APBA2: variants seen among roughly 807,000 people sequenced by gnomAD.
APBA2 encodes the protein amyloid beta precursor protein binding family A member 2, also known as amyloid-beta A4 precursor protein-binding family A member 2.
APBA2 carries 30 observed loss-of-function variants against 75.0 expected under a neutral mutation model. The observed-to-expected ratio is 0.40, with a 90% CI of 0.30 to 0.54. The LOEUF is 0.54. Among genes scored for constraint, APBA2 ranks in the 20% least tolerant of loss-of-function variants. The probability of loss-of-function intolerance (pLI) is 0.49; values close to 1 mark genes in which losing one functional copy is unlikely to be tolerated. For missense variants in APBA2, 801 were observed against 1,016.1 expected, an observed-to-expected ratio of 0.79 and a Z score of 2.88; for synonymous variants, 444 against 409.6, an observed-to-expected ratio of 1.08 and a Z score of -1.01.
At position 29,026,817 on chromosome 15, in the gene APBA2, AG is replaced by A. The variant is rs561562294; in HGVS notation, c.-40-27026del. Among the ~76,000 whole-genome samples the A allele has an allele frequency of 8.6e-4, 131 of 152,160 alleles. 1 individual carries two copies. Among genetic ancestry groups the A allele is most frequent in the Non-Finnish European group, 1.7e-3 (113 of 67,996 alleles). ...GCGCCCATACTCCCAGCTACTCATG[AG>A]GCTGAGGCAGGAGAATGGTGTGAAG... On this transcript the variant is annotated intron_variant, in intron 3 of 14. Transcript: ENST00000683413.
At chr15:28,996,473 C>T (rs943798417) in intron 3 of APBA2, among the ~76,000 whole-genome samples, 2 of 152,186 alleles carry the variant, frequency 1.3e-5, no homozygotes, top group East Asian at 3.9e-4. Flanking sequence ...CTGGTAGGAA[C>T]AGAGCCCTGG....
chr15:29,008,519 C>T lies in APBA2; in HGVS notation c.-41+12713C>T, dbSNP rs534543065. Among the ~76,000 whole-genome samples the T allele has an allele frequency of 3.3e-5, 5 of 152,028 alleles. No homozygotes were observed. In the East Asian group the frequency reaches 5.8e-4, roughly 18 times the overall value. ...GCAGGATCACTTGAGTCCAGGAGTT[C>T]GAGACCAGCCTGGGCAACACTGGGA... On this transcript the variant is annotated intron_variant, in intron 3 of 14. Coordinates refer to ENST00000683413, the MANE Select transcript of APBA2 (RefSeq NM_001353788.2).
chr15:29,036,165 C>T (rs1409323191), intron 3 of APBA2, among the ~76,000 whole-genome samples: 1 of 152,162 alleles, frequency 6.6e-6, no homozygotes, highest in African/African-American at 2.4e-5. Context: ...TTTCCCGCCA[C>T]CCACCAGCCA....
chr15:29,041,679 T>G (rs1384229809), intron 3 of APBA2, among the ~76,000 whole-genome samples: 12 of 152,142 alleles, frequency 7.9e-5, no homozygotes, highest in Admixed American at 7.9e-4. Flanking sequence ...AGTATAGTTG[T>G]GAATTCTCCC....
intron 2 of APBA2, among the ~76,000 whole-genome samples, chr15:28,994,905 G>C (rs1038311425): frequency 8.5e-5 from 13 of 152,214 alleles, no homozygotes; most frequent in Non-Finnish European, 1.5e-4. Context: ...GCCTGGCCCG[G>C]CTCAACAGCT....
chr15:29,010,494 G>A (rs1421181319), intron 3 of APBA2, among the ~76,000 whole-genome samples: 6 of 152,222 alleles, frequency 3.9e-5, no homozygotes, highest in South Asian at 2.1e-4. Flanking sequence ...TCCTGACCTC[G>A]TGATCCGCCC....
At chr15:29,065,069 A>G (rs903763735) in intron 4 of APBA2, among the ~76,000 whole-genome samples, 1 of 152,008 alleles carries the variant, frequency 6.6e-6, no homozygotes, top group East Asian at 1.9e-4. Flanking sequence ...CATTGTACTC[A>G]TCTGCCGGTG....
intron 3 of APBA2, among the ~76,000 whole-genome samples, chr15:29,032,974 G>A (rs746457868): frequency 2.6e-5 from 4 of 152,236 alleles, no homozygotes; most frequent in Admixed American, 6.5e-5. Context: ...CAGCTGTGGC[G>A]AGATGGCTCT....
chr15:29,060,630 T>G (rs944629651), intron 4 of APBA2, among the ~76,000 whole-genome samples: 1 of 152,158 alleles, frequency 6.6e-6, no homozygotes, highest in South Asian at 2.1e-4. Flanking sequence ...AGGTGACCAG[T>G]AGATACGGAA....
Position 29,010,905 on chromosome 15 carries a change from T to C in APBA2, c.-41+15099T>C, listed in dbSNP as rs187064524. 1.9e-3 allele frequency among the ~76,000 whole-genome samples: 289 copies of C among 152,318 alleles called. 2 individuals are homozygous for C. The highest frequency in any genetic ancestry group is 6.6e-3 in the African/African-American group (275 of 41,564). The stretch of plus-strand genomic sequence containing the variant: ...TTACCATCTTAACCATTTTTAAGTG[T>C]ACAGTTCGGTAGTGTTAAGTAAATT... On this transcript the variant is annotated intron_variant, in intron 3 of 14. Transcript: ENST00000683413.
intron 1 of APBA2, among the ~76,000 whole-genome samples, chr15:28,911,732 C>A (rs1329425028): frequency 6.6e-6 from 1 of 152,210 alleles, no homozygotes; most frequent in Non-Finnish European, 1.5e-5. Context: ...CCCCCCTTGG[C>A]TGTGCTGAGC....
At chr15:28,939,479 G>T (rs1176907248) in intron 2 of APBA2, among the ~76,000 whole-genome samples, 1 of 152,198 alleles carries the variant, frequency 6.6e-6, no homozygotes, top group Non-Finnish European at 1.5e-5. Context: ...TATGCCAACA[G>T]TGTACAAGGG....
At chr15:29,091,704 C>T (rs370867628) in intron 6 of APBA2, among the ~76,000 whole-genome samples, 245 of 152,276 alleles carry the variant, frequency 1.6e-3, no homozygotes, top group African/African-American at 5.4e-3. Flanking sequence ...GGATACTGGG[C>T]GGATGTTATT....
intron 1 of APBA2, among the ~76,000 whole-genome samples, chr15:28,899,137 G>T (rs1042708453): frequency 6.6e-6 from 1 of 152,206 alleles, no homozygotes; most frequent in Non-Finnish European, 1.5e-5. Flanking sequence ...AACTCATCGG[G>T]GGCAGCCCCA....
intron 4 of APBA2, among the ~76,000 whole-genome samples, chr15:29,074,336 G>A (rs1364209884): frequency 6.6e-6 from 1 of 152,204 alleles, no homozygotes; most frequent in Non-Finnish European, 1.5e-5. Flanking sequence ...TCTGCCATGT[G>A]CTTCAATGTG....
intron 14 of APBA2, among the ~76,000 whole-genome samples, chr15:29,116,422 T>C (rs111991296): frequency 0.049 from 7,463 of 151,902 alleles, 565 homozygotes; most frequent in African/African-American, 0.16. Context: ...GTCGGGAGAT[T>C]GAGACCATCC....
intron 2 of APBA2, among the ~76,000 whole-genome samples, chr15:28,968,690 C>T (rs953923204): frequency 6.6e-6 from 1 of 152,178 alleles, no homozygotes; most frequent in Non-Finnish European, 1.5e-5. Flanking sequence ...TAAGCTCCAG[C>T]ATCTCAGAAC....
intron 10 of APBA2, among the ~76,000 whole-genome samples, chr15:29,104,143 C>G (rs902933600): frequency 7.2e-5 from 11 of 152,250 alleles, no homozygotes; most frequent in Non-Finnish European, 1.6e-4. Context: ...CATCCTGCCA[C>G]GTGGAGAGTG....
At chr15:29,077,563 G>A (rs142840395) in intron 6 of APBA2, among the ~76,000 whole-genome samples, 165 of 152,210 alleles carry the variant, frequency 1.1e-3, no homozygotes, top group Non-Finnish European at 2.1e-3. Context: ...GGGGTACCTC[G>A]GACTCTAGCT....
Sources: allele counts gnomAD v4.1 joint callset (sites outside exome capture counted in the v4.1 genomes callset), GRCh38; gene constraint gnomAD v4.1.1; transcripts MANE v1.5; gene names NCBI Gene and HGNC (gene_info 2026-07-23, HGNC 2026-07-21).